Variants in RPS6KC1 observed in about 807,000 individuals in gnomAD.
RPS6KC1 encodes the protein ribosomal protein S6 kinase C1, also known as inactive ribosomal protein S6 kinase delta-1.
RPS6KC1 carries 54 observed loss-of-function variants against 103.8 expected under a neutral mutation model. The observed-to-expected ratio is 0.52, with a 90% CI of 0.42 to 0.65. The LOEUF (loss-of-function observed/expected upper bound fraction) is 0.65, where lower values mean the gene tolerates loss of function less well. RPS6KC1 is among the 30% of genes least tolerant of loss of function. The pLI, the probability that RPS6KC1 is intolerant of heterozygous loss-of-function variation, is 0.00. For missense variants in RPS6KC1, 1,151 were observed against 1,253.8 expected, an observed-to-expected ratio of 0.92 and a Z score of 1.24; for synonymous variants, 439 against 438.7, an observed-to-expected ratio of 1.00 and a Z score of -0.01.
the RPS6KC1 span, among the ~76,000 whole-genome samples, chr1:213,440,700 G>T: frequency 6.6e-6 from 1 of 150,608 alleles, no homozygotes; most frequent in Admixed American, 6.6e-5. Context: ...GGTGAGATTT[G>T]AGTTGGCCCT....
the RPS6KC1 span, among the ~76,000 whole-genome samples, chr1:213,375,200 T>C: frequency 1.3e-5 from 2 of 151,542 alleles, no homozygotes; most frequent in East Asian, 3.9e-4. Context: ...CATACACATA[T>C]ACACATATAC....
the RPS6KC1 span, among the ~76,000 whole-genome samples, chr1:213,584,893 A>G: frequency 6.6e-6 from 1 of 152,224 alleles, no homozygotes; most frequent in African/African-American, 2.4e-5. Flanking sequence ...TCTCCAGGGC[A>G]AAAGGCAATG....
chr1:213,268,993 C>A (rs1432583674), intron 14 of RPS6KC1, among the ~76,000 whole-genome samples: 1 of 152,022 alleles, frequency 6.6e-6, no homozygotes, highest in Non-Finnish European at 1.5e-5. Flanking sequence ...CAAATATAAA[C>A]CCACCGTGTC....
At position 213,242,014 on chromosome 1, in the gene RPS6KC1, T is replaced by C; in HGVS notation, c.2538T>C (p.Phe846=). Residue 846 remains phenylalanine (F), a synonymous_variant, in exon 11 of 15, where the codon TTT becomes TTC. Transcript: ENST00000366960. ...TAAAAACAGAAGAAGTATTGCTGTTTACAGATCAGACTGATGATTTGGCTA... is the reference window on the plus strand; with the variant it reads ...TAAAAACAGAAGAAGTATTGCTGTTCACAGATCAGACTGATGATTTGGCTA... ...DTLKTEEVLL[F]TDQTDDLAKE... is the part of the protein sequence containing the mutation. 1 of 1,614,086 alleles carries C rather than the reference T, an allele frequency of 6.2e-7. No individual in the cohort carries two copies. Among genetic ancestry groups the C allele is most frequent in the East Asian group, 2.2e-5 (1 of 44,888 alleles).
At chr1:213,188,729 G>C (rs1477446669) in intron 8 of RPS6KC1, among the ~76,000 whole-genome samples, 1 of 151,978 alleles carries the variant, frequency 6.6e-6, no homozygotes, top group African/African-American at 2.4e-5. Flanking sequence ...TCAGAGGTCT[G>C]AATTATTGGA....
At chr1:213,509,777 T>C in the RPS6KC1 span, among the ~76,000 whole-genome samples, 1 of 152,246 alleles carries the variant, frequency 6.6e-6, no homozygotes, top group South Asian at 2.1e-4. Context: ...AATGCTAGCA[T>C]ATGAAAATAA....
intron 12 of RPS6KC1, among the ~76,000 whole-genome samples, chr1:213,251,384 G>A (rs1018283687): frequency 1.3e-5 from 2 of 152,144 alleles, no homozygotes; most frequent in African/African-American, 2.4e-5. Flanking sequence ...GGGATTACAG[G>A]CGTGAGCCAC....
At chr1:213,152,656 G>A (rs1471909392) in intron 6 of RPS6KC1, among the ~76,000 whole-genome samples, 5 of 151,654 alleles carry the variant, frequency 3.3e-5, no homozygotes, top group Admixed American at 2.6e-4. Context: ...GCCGGGCAGA[G>A]ACGCTCCTCA....
At chr1:213,090,454 G>A (rs2148653389) in intron 3 of RPS6KC1, among the ~76,000 whole-genome samples, 1 of 152,308 alleles carries the variant, frequency 6.6e-6, no homozygotes, top group East Asian at 1.9e-4. Context: ...GATTTAAAAG[G>A]TAGAGTAGTT....
the RPS6KC1 span, among the ~76,000 whole-genome samples, chr1:213,625,075 C>T: frequency 9.9e-5 from 15 of 152,190 alleles, no homozygotes; most frequent in African/African-American, 2.9e-4. Flanking sequence ...TTCCACCACC[C>T]GGGTTCAAGC....
At chr1:213,624,110 G>C in the RPS6KC1 span, among the ~76,000 whole-genome samples, 1 of 152,190 alleles carries the variant, frequency 6.6e-6, no homozygotes, top group East Asian at 1.9e-4. Flanking sequence ...CAGAGCCTGG[G>C]TAAGCAGACA....
the RPS6KC1 span, among the ~76,000 whole-genome samples, chr1:213,511,424 A>G: frequency 6.6e-6 from 1 of 152,114 alleles, no homozygotes; most frequent in Non-Finnish European, 1.5e-5. Flanking sequence ...CGTGGTGTTG[A>G]TGGTGGAGGT....
chr1:213,695,534 C>T, the RPS6KC1 span, among the ~76,000 whole-genome samples: 3 of 152,080 alleles, frequency 2.0e-5, no homozygotes, highest in Non-Finnish European at 2.9e-5. Context: ...AGAAAGTGGC[C>T]CCTCTGCTGG....
the RPS6KC1 span, among the ~76,000 whole-genome samples, chr1:213,313,229 A>G: frequency 6.6e-6 from 1 of 152,340 alleles, no homozygotes; most frequent in Admixed American, 6.5e-5. Context: ...AGCAGGTTCT[A>G]CACGATGCCT....
the RPS6KC1 span, among the ~76,000 whole-genome samples, chr1:213,644,739 A>G: frequency 1.3e-5 from 2 of 152,190 alleles, no homozygotes; most frequent in Non-Finnish European, 2.9e-5. Flanking sequence ...GTCAAAGGGC[A>G]TATACACTTG....
rs558793102 is a variant in RPS6KC1, at chr1:213,110,707, CT to C, written c.378+6139del. Among the ~76,000 whole-genome samples the C allele has an allele frequency of 4.1e-3, 617 of 152,300 alleles. 7 individuals carry two copies. Among genetic ancestry groups the C allele is most frequent in the South Asian group, 0.037 (177 of 4,818 alleles). On this transcript the variant is annotated intron_variant, in intron 4 of 14. Coordinates refer to ENST00000366960, the MANE Select transcript of RPS6KC1 (RefSeq NM_012424.6). ...TTTCCTCTGAAGTCTTGAATTTCCT[CT>C]GTGCCTGTGCACTGTCTCATGGTTT...
At chr1:213,352,413 T>C in the RPS6KC1 span, among the ~76,000 whole-genome samples, 2 of 152,218 alleles carry the variant, frequency 1.3e-5, no homozygotes, top group African/African-American at 4.8e-5. Context: ...ATATGTTTGC[T>C]TTAAAATTTA....
At chr1:213,453,975 G>T in the RPS6KC1 span, among the ~76,000 whole-genome samples, 2 of 152,132 alleles carry the variant, frequency 1.3e-5, no homozygotes, top group Admixed American at 6.5e-5. Flanking sequence ...TATTGAAAAA[G>T]CTTTGTCAAA....
At chr1:213,554,034 C>A in the RPS6KC1 span, among the ~76,000 whole-genome samples, 5 of 152,004 alleles carry the variant, frequency 3.3e-5, no homozygotes, top group Middle Eastern at 3.4e-3. Context: ...TTAATTAGGC[C>A]CCACCTGTTA....
Sources: allele counts gnomAD v4.1 joint callset (sites outside exome capture counted in the v4.1 genomes callset), GRCh38; gene constraint gnomAD v4.1.1; transcripts MANE v1.5; gene names NCBI Gene and HGNC (gene_info 2026-07-23, HGNC 2026-07-21).